The following BPTF variants were observed in gnomAD, a reference collection of about 807,000 sequenced individuals.
BPTF encodes bromodomain PHD finger transcription factor.
Under a neutral mutation model 292.5 loss-of-function variants are expected in BPTF, and 18 were observed. The ratio of observed to expected loss-of-function variants is 0.06; its 90% CI spans 0.04 to 0.09. The LOEUF (loss-of-function observed/expected upper bound fraction) is 0.09. Ranked by LOEUF, BPTF falls within the 10% of genes least tolerant of loss-of-function variation. The probability of loss-of-function intolerance (pLI) is 1.00; values close to 1 mark genes in which losing one functional copy is unlikely to be tolerated. For missense variants in BPTF, 2,726 were observed against 3,498.7 expected (o/e 0.78, Z 5.57); for synonymous variants, 1,225 against 1,251.9 (o/e 0.98, Z 0.45).
At chr17:67,877,035 A>C (rs1426763447) in intron 4 of BPTF, among the ~76,000 whole-genome samples, 1 of 152,204 alleles carries the variant, frequency 6.6e-6, no homozygotes, top group African/African-American at 2.4e-5. Flanking sequence ...AGAGTAAAAA[A>C]CAAAACAATG....
At chr17:67,976,698 A>T (rs372995703) in intron 27 of BPTF, among the ~76,000 whole-genome samples, 1,861 of 38,452 alleles carry the variant, frequency 0.048, 63 homozygotes, top group Middle Eastern at 0.21. Flanking sequence ...AAAAAAAAAA[A>T]AAAAAAAAAA....
intron 18 of BPTF, among the ~76,000 whole-genome samples, chr17:67,932,750 T>G (rs534458248): frequency 3.3e-5 from 5 of 151,664 alleles, no homozygotes; most frequent in African/African-American, 4.8e-5. Flanking sequence ...TTAAACCCTA[T>G]ACATTTATGA....
intron 7 of BPTF, among the ~76,000 whole-genome samples, chr17:67,901,143 G>A (rs531110860): frequency 6.6e-6 from 1 of 152,218 alleles, no homozygotes; most frequent in African/African-American, 2.4e-5. Flanking sequence ...TTGTTCTACA[G>A]AAGAAGCAAA....
At chr17:67,930,591 A>C (rs2064293367) in intron 17 of BPTF, among the ~76,000 whole-genome samples, 1 of 152,190 alleles carries the variant, frequency 6.6e-6, no homozygotes, top group African/African-American at 2.4e-5. Context: ...TAAATTTTTG[A>C]AAATGTTCTG....
At chr17:67,872,039 T>G (rs1290727753) in intron 3 of BPTF, among the ~76,000 whole-genome samples, 1 of 152,106 alleles carries the variant, frequency 6.6e-6, no homozygotes, top group Admixed American at 6.5e-5. Context: ...TTGGTCAGAC[T>G]GGTCTCAAAC....
chr17:67,881,858 G>GTTTTT (rs71354089), intron 4 of BPTF, among the ~76,000 whole-genome samples: 4 of 30,014 alleles, frequency 1.3e-4, no homozygotes, highest in East Asian at 8.5e-4. Context: ...TTGGGTTTTT[G>GTTTTT]TTTTTTTTTT....
chr17:67,844,666 A>G (rs2057897360), intron 1 of BPTF, among the ~76,000 whole-genome samples: 1 of 151,418 alleles, frequency 6.6e-6, no homozygotes, highest in African/African-American at 2.4e-5. Context: ...CTCCCAAAGT[A>G]CTAGGATTGC....
intron 1 of BPTF, among the ~76,000 whole-genome samples, chr17:67,837,552 C>T (rs1185776650): frequency 2.6e-5 from 4 of 151,984 alleles, no homozygotes; most frequent in Non-Finnish European, 4.4e-5. Flanking sequence ...TGATTAAAGG[C>T]GGACGCCACC....
At chr17:67,849,385 A>G (rs1485049013) in intron 1 of BPTF, among the ~76,000 whole-genome samples, 1 of 152,204 alleles carries the variant, frequency 6.6e-6, no homozygotes, top group African/African-American at 2.4e-5. Context: ...TGGGCCTGAG[A>G]TTCTGAATTT....
At chr17:67,979,501 G>A (rs1396045638) in intron 27 of BPTF, among the ~76,000 whole-genome samples, 10 of 151,952 alleles carry the variant, frequency 6.6e-5, no homozygotes, top group African/African-American at 2.4e-4. Flanking sequence ...CCAAGACCGC[G>A]CCACTGCACT....
intron 4 of BPTF, among the ~76,000 whole-genome samples, chr17:67,879,539 T>TA (rs1486991887): frequency 1.3e-5 from 2 of 152,358 alleles, no homozygotes; most frequent in Admixed American, 1.3e-4. Flanking sequence ...CTTTAGTAGA[T>TA]AATGGCTATC....
At chr17:67,975,137 A>G (rs2069251258) in intron 26 of BPTF, 1 of 152,156 alleles carries the variant, frequency 6.6e-6, no homozygotes. Context: ...AACCAAATAT[A>G]TATTTCACAA....
intron 15 of BPTF, among the ~76,000 whole-genome samples, chr17:67,927,556 T>G (rs911032213): frequency 5.3e-5 from 8 of 152,174 alleles, no homozygotes; most frequent in Admixed American, 3.3e-4. Flanking sequence ...TCATTAACTA[T>G]TGACATGTTT....
At chr17:67,862,029 G>T (rs1019245153) in intron 2 of BPTF, among the ~76,000 whole-genome samples, 8 of 152,314 alleles carry the variant, frequency 5.3e-5, no homozygotes, top group Admixed American at 3.9e-4. Flanking sequence ...AGGCTGGAGT[G>T]CAGTGGCACA....
chr17:67,874,766 C>T, intron 3 of BPTF, 51 bp from the exon 4 acceptor site: 1 of 1,238,466 alleles, frequency 8.1e-7, no homozygotes, highest in Non-Finnish European at 1.2e-6. Flanking sequence ...TGGTACTGTT[C>T]TATTTGGTTA....
intron 1 of BPTF, among the ~76,000 whole-genome samples, chr17:67,851,566 T>C (rs760083334): frequency 6.6e-6 from 1 of 152,238 alleles, no homozygotes; most frequent in Non-Finnish European, 1.5e-5. Context: ...GGAGAGAAGA[T>C]ATTAGTATAA....
At chr17:67,885,600 TAAC>T (rs1050138944) in intron 4 of BPTF, among the ~76,000 whole-genome samples, 5 of 152,060 alleles carry the variant, frequency 3.3e-5, no homozygotes, top group African/African-American at 1.2e-4. Context: ...AAAAAGAAGT[TAAC>T]AATCGCATTT....
intron 1 of BPTF, among the ~76,000 whole-genome samples, chr17:67,828,186 T>G (rs2056296285): frequency 6.6e-6 from 1 of 152,120 alleles, no homozygotes; most frequent in Non-Finnish European, 1.5e-5. Flanking sequence ...TACCTCGGCC[T>G]CCCAAAATGC....
rs1469770313 is a variant in BPTF at position 67,911,025 on chromosome 17, A to G, written c.3141A>G (p.Leu1047=). Residue 1047 remains leucine (L), a synonymous_variant, in exon 11 of 28, where the codon CTA becomes CTG. Transcript: ENST00000306378. Reference sequence around the variant, plus strand: ...TCAATGTTAGTGAGGGTTTTCATCTAAGGACTAGTTACAAAAAGAAAACAA... The same window carrying G: ...TCAATGTTAGTGAGGGTTTTCATCTGAGGACTAGTTACAAAAAGAAAACAA... ...DVVNVSEGFH[L]RTSYKKKTKS... is the part of the protein sequence containing the mutation. 2.5e-6 allele frequency: 4 copies of G among 1,613,918 alleles called. No individual in the cohort carries two copies. The highest frequency in any genetic ancestry group is 2.5e-6 in the Non-Finnish European group (3 of 1,179,802).
Sources: allele counts gnomAD v4.1 joint callset (sites outside exome capture counted in the v4.1 genomes callset), GRCh38; gene constraint gnomAD v4.1.1; transcripts MANE v1.5; gene names NCBI Gene and HGNC (gene_info 2026-07-23, HGNC 2026-07-21).